Variants in HEATR5B observed in about 807,000 individuals in gnomAD.
HEATR5B encodes the protein HEAT repeat-containing protein 5B.
Under a neutral mutation model 224.1 loss-of-function variants are expected in HEATR5B, and 156 were observed. The observed-to-expected ratio is 0.70, with a 90% confidence interval of 0.61 to 0.80. HEATR5B has a LOEUF of 0.80. Among genes scored for constraint, HEATR5B ranks in the 30% least tolerant of loss-of-function variants. HEATR5B has a pLI of 0.00. For missense variants in HEATR5B, 2,323 were observed against 2,535.5 expected, an observed-to-expected ratio of 0.92 and a Z score of 1.80; for synonymous variants, 1,027 against 893.0, an observed-to-expected ratio of 1.15 and a Z score of -2.68.
At chr2:37,059,595 C>A (rs753326498) in intron 12 of HEATR5B, among the ~76,000 whole-genome samples, 1 of 149,830 alleles carries the variant, frequency 6.7e-6, no homozygotes, top group East Asian at 2.0e-4. Flanking sequence ...TCCTGAGTAG[C>A]TGGGACTACA....
chr2:36,991,021 T>A (rs1176395254), intron 33 of HEATR5B, among the ~76,000 whole-genome samples: 1 of 151,966 alleles, frequency 6.6e-6, no homozygotes, highest in Non-Finnish European at 1.5e-5. Flanking sequence ...CATCTCTCTC[T>A]CCCCACAACA....
intron 33 of HEATR5B, among the ~76,000 whole-genome samples, chr2:36,997,395 C>G: frequency 6.6e-6 from 1 of 151,668 alleles, no homozygotes. Context: ...CACTATATTG[C>G]CCAGAATGGT....
At chr2:36,997,548 C>T (rs188478341) in intron 33 of HEATR5B, among the ~76,000 whole-genome samples, 3 of 146,550 alleles carry the variant, frequency 2.0e-5, no homozygotes, top group Non-Finnish European at 4.4e-5. Context: ...CCTTGACTTA[C>T]AGTTAGTCCT....
intron 26 of HEATR5B, among the ~76,000 whole-genome samples, chr2:37,019,183 G>C (rs1266377291): frequency 1.3e-5 from 2 of 151,674 alleles, no homozygotes; most frequent in East Asian, 3.9e-4. Context: ...GAAAATGTAC[G>C]TTTTTTGGTG....
intron 24 of HEATR5B, among the ~76,000 whole-genome samples, chr2:37,022,121 T>C (rs146843677): frequency 9.8e-4 from 149 of 152,150 alleles, no homozygotes; most frequent in Admixed American, 1.6e-3. Context: ...CCTCTATCAA[T>C]TGATATCTGC....
intron 35 of HEATR5B, among the ~76,000 whole-genome samples, chr2:36,986,609 G>C (rs943858960): frequency 1.3e-5 from 2 of 152,088 alleles, no homozygotes; most frequent in African/African-American, 2.4e-5. Flanking sequence ...TGACAATATA[G>C]ATTAAAAGTC....
At chr2:37,003,260 C>CA (rs757178937) in intron 31 of HEATR5B, among the ~76,000 whole-genome samples, 3,046 of 56,858 alleles carry the variant, frequency 0.054, 255 homozygotes, top group African/African-American at 0.16. Context: ...GTCCCGCCCG[C>CA]AAAAAAAAAA....
At chr2:37,005,538 A>T in intron 30 of HEATR5B, 94 bp downstream of exon 30, 1 of 1,126,356 alleles carries the variant, frequency 8.9e-7, no homozygotes. Flanking sequence ...TTAAAATAGG[A>T]TCCAATACAG....
chr2:37,034,971 G>C (rs1459605052), intron 21 of HEATR5B, among the ~76,000 whole-genome samples: 3 of 152,240 alleles, frequency 2.0e-5, no homozygotes, highest in Non-Finnish European at 4.4e-5. Flanking sequence ...GGAAGAACAA[G>C]TCACTTAGTC....
Position 37,007,229 on chromosome 2 carries a change from T to TG in HEATR5B, c.4597dup (p.His1533ProfsTer9). 1 of 1,613,834 alleles carries TG rather than the reference T, an allele frequency of 6.2e-7. No individual in the cohort carries two copies. The highest frequency in any genetic ancestry group is 1.1e-5 in the South Asian group (1 of 91,074). On this transcript the variant is annotated frameshift_variant, in exon 29 of 36. Transcript: ENST00000233099. LOFTEE classifies it high-confidence loss of function. ...GCTATTTAACCAAAGTGCCACCGCA[T>TG]GGAGAATTGGGGCCCAGGAATTCCG...
intron 1 of HEATR5B, 64 bp from the exon 2 acceptor site, chr2:37,083,500 G>T: frequency 8.3e-7 from 1 of 1,206,338 alleles, no homozygotes; most frequent in Non-Finnish European, 1.2e-6. Context: ...CAAGCTTAAT[G>T]GAATATACTC....
chr2:37,002,294 T>A lies in HEATR5B; in HGVS notation c.5317+12A>T. 1 of 1,614,034 alleles carries A rather than the reference T, an allele frequency of 6.2e-7. No homozygotes were observed. The highest frequency in any genetic ancestry group is 1.1e-5 in the South Asian group (1 of 91,080). On this transcript the variant is annotated intron_variant, in intron 32 of 35. Coordinates refer to ENST00000233099, the MANE Select transcript of HEATR5B (RefSeq NM_019024.3). ...AATATAATGCATTTCCAAATACTGATCAATACCGTACCAGCGGGTGAACAA... is the reference window on the plus strand; with the variant it reads ...AATATAATGCATTTCCAAATACTGAACAATACCGTACCAGCGGGTGAACAA...
chr2:37,068,604 A>G, intron 8 of HEATR5B, 77 bp downstream of exon 8: 1 of 1,449,150 alleles, frequency 6.9e-7, no homozygotes, highest in South Asian at 1.3e-5. Flanking sequence ...AATCAGTCTT[A>G]TGGATATTTA....
In HEATR5B at chr2:36,981,810, T is replaced by A. The variant is rs1428937396; in HGVS notation, c.5912-16A>T. ...AGCTGGACTCCTGTAAATAATAAAG[T>A]ATGAAAAAAGATCACAAACATAAGG... On this transcript the variant is annotated splice_polypyrimidine_tract_variant and intron_variant, in intron 35 of 35. Coordinates refer to ENST00000233099, the MANE Select transcript of HEATR5B (RefSeq NM_019024.3). 8 of 1,552,598 alleles carry A rather than the reference T, an allele frequency of 5.2e-6. No homozygotes were observed. In the Admixed American group the frequency reaches 8.0e-5, roughly 16 times the overall value.
At chr2:37,019,367 A>C (rs551043272) in intron 26 of HEATR5B, among the ~76,000 whole-genome samples, 5 of 152,218 alleles carry the variant, frequency 3.3e-5, no homozygotes, top group Admixed American at 1.3e-4. Context: ...TTTATTACCT[A>C]ATTATTATTT....
intron 7 of HEATR5B, 53 bp downstream of exon 7, chr2:37,070,177 G>C: frequency 6.4e-7 from 1 of 1,572,468 alleles, no homozygotes; most frequent in Non-Finnish European, 8.7e-7. Flanking sequence ...TGGGATTACA[G>C]GCGTGAGCCA....
chr2:37,053,654 C>A, intron 16 of HEATR5B, 47 bp from the exon 17 acceptor site: 1 of 1,117,966 alleles, frequency 8.9e-7, no homozygotes, highest in Non-Finnish European at 1.3e-6. Context: ...AATTTTATTC[C>A]AATATGGCTC....
intron 33 of HEATR5B, among the ~76,000 whole-genome samples, chr2:37,000,263 G>A (rs192442902): frequency 4.2e-4 from 64 of 152,066 alleles, no homozygotes; most frequent in Admixed American, 2.0e-3. Flanking sequence ...TTTTAGTAGA[G>A]ATGGGGTTTC....
chr2:37,023,283 G>A (rs1407666203), intron 24 of HEATR5B, among the ~76,000 whole-genome samples: 1 of 152,146 alleles, frequency 6.6e-6, no homozygotes, highest in Non-Finnish European at 1.5e-5. Flanking sequence ...GGTCTATGAA[G>A]TTCTTCAGGA....
Sources: allele counts gnomAD v4.1 joint callset (sites outside exome capture counted in the v4.1 genomes callset), GRCh38; gene constraint gnomAD v4.1.1; transcripts MANE v1.5; gene names NCBI Gene and HGNC (gene_info 2026-07-23, HGNC 2026-07-21).